The following LAMA2 variants were observed in gnomAD, a reference collection of about 807,000 sequenced individuals.
LAMA2 encodes laminin subunit alpha 2.
In LAMA2, 269 loss-of-function variants were observed where a neutral mutation model predicts 364.8. The ratio of observed to expected loss-of-function variants is 0.74; its 90% CI spans 0.67 to 0.82. The LOEUF is 0.82. LAMA2 is among the 40% of genes least tolerant of loss of function. The pLI is 0.00. For missense variants in LAMA2, 3,807 were observed against 3,873.2 expected, an observed-to-expected ratio of 0.98 and a Z score of 0.45; for synonymous variants, 1,379 against 1,370.6, an observed-to-expected ratio of 1.01 and a Z score of -0.14.
intron 40 of LAMA2, among the ~76,000 whole-genome samples, chr6:129,410,255 A>C (rs372792815): frequency 7.9e-5 from 12 of 151,634 alleles, no homozygotes; most frequent in African/African-American, 2.4e-4. Context: ...TCTCTAAGTC[A>C]GTGGAATAGT....
intron 41 of LAMA2, among the ~76,000 whole-genome samples, chr6:129,428,782 G>A (rs57299404): frequency 0.014 from 2,063 of 152,166 alleles, 55 homozygotes; most frequent in African/African-American, 0.047. Context: ...TCTGATTCAG[G>A]AATCAAAATG....
intron 12 of LAMA2, among the ~76,000 whole-genome samples, chr6:129,242,685 C>G (rs1272094756): frequency 6.6e-6 from 1 of 152,024 alleles, no homozygotes; most frequent in Non-Finnish European, 1.5e-5. Flanking sequence ...ATGTTTCATC[C>G]AAACATAAGT....
intron 29 of LAMA2, among the ~76,000 whole-genome samples, chr6:129,333,861 TA>T (rs1359192940): frequency 2.0e-5 from 3 of 152,216 alleles, no homozygotes; most frequent in Non-Finnish European, 4.4e-5. Flanking sequence ...TTACCGTCTT[TA>T]TACTGTCCTC....
At chr6:129,478,064 G>A (rs966909959) in intron 53 of LAMA2, among the ~76,000 whole-genome samples, 9 of 152,104 alleles carry the variant, frequency 5.9e-5, no homozygotes, top group African/African-American at 2.2e-4. Flanking sequence ...AAAATGCAGG[G>A]ATTACAGGAA....
At chr6:129,145,167 C>T (rs1354560996) in intron 5 of LAMA2, among the ~76,000 whole-genome samples, 1 of 151,934 alleles carries the variant, frequency 6.6e-6, no homozygotes, top group Non-Finnish European at 1.5e-5. Context: ...AAGGTAAGAC[C>T]ACCGTCATCG....
At chr6:129,239,405 T>C (rs1785240801) in intron 12 of LAMA2, among the ~76,000 whole-genome samples, 1 of 152,192 alleles carries the variant, frequency 6.6e-6, no homozygotes, top group African/African-American at 2.4e-5. Context: ...GCTCTAAAAT[T>C]GCAGAGCAGG....
Position 129,393,038 on chromosome 6 carries a change from G to T in LAMA2, c.5235-7G>T, listed in dbSNP as rs1299296801. ...ATTGTCTATTATTGGGCTGGGGGTG[G>T]TTACAGAGCTGCAGAAGCCCTTCTG... On this transcript the variant is annotated splice_polypyrimidine_tract_variant and splice_region_variant and intron_variant, in intron 36 of 64. Coordinates refer to ENST00000421865, the MANE Select transcript of LAMA2 (RefSeq NM_000426.4). 13 of 1,611,916 alleles carry T rather than the reference G, an allele frequency of 8.1e-6. No individual in the cohort carries two copies. Among genetic ancestry groups the T allele is most frequent in the Non-Finnish European group, 9.3e-6 (11 of 1,179,164 alleles).
rs917301584 is a variant in LAMA2 at position 129,470,054 on chromosome 6, T to C, written c.7301-3160T>C. 5.9e-5 allele frequency among the ~76,000 whole-genome samples: 9 copies of C among 151,980 alleles called. No homozygotes were observed. In the East Asian group the frequency reaches 1.7e-3, roughly 29 times the overall value. On this transcript the variant is annotated intron_variant, in intron 51 of 64. Coordinates refer to ENST00000421865, the MANE Select transcript of LAMA2 (RefSeq NM_000426.4). ...GGTTCTGCAGGTGTATACAATTACA[T>C]GTTACAAACATGGTTTAAATTATAG...
chr6:129,407,478 C>A (rs1780306256), intron 40 of LAMA2, among the ~76,000 whole-genome samples: 1 of 152,156 alleles, frequency 6.6e-6, no homozygotes, highest in Non-Finnish European at 1.5e-5. Flanking sequence ...AATTTTATGT[C>A]ACATGATAAA....
chr6:129,476,244 G>T (rs1053130588), intron 53 of LAMA2, among the ~76,000 whole-genome samples: 16 of 152,118 alleles, frequency 1.1e-4, no homozygotes, highest in Admixed American at 5.2e-4. Flanking sequence ...ACTGATCCAA[G>T]AAATTTTTAA....
chr6:129,513,283 G>A (rs1048737546), intron 63 of LAMA2, among the ~76,000 whole-genome samples: 8 of 152,032 alleles, frequency 5.3e-5, no homozygotes, highest in African/African-American at 1.7e-4. Context: ...CTCCAACAAA[G>A]GTAATATAGG....
At chr6:129,256,949 G>T (rs1222385257) in intron 14 of LAMA2, among the ~76,000 whole-genome samples, 1 of 151,230 alleles carries the variant, frequency 6.6e-6, no homozygotes, top group Non-Finnish European at 1.5e-5. Context: ...AATCTTTAAG[G>T]CAGCACCAAG....
intron 2 of LAMA2, among the ~76,000 whole-genome samples, chr6:129,053,329 TG>T (rs1480638350): frequency 3.3e-5 from 5 of 152,122 alleles, no homozygotes; most frequent in Non-Finnish European, 5.9e-5. Context: ...CCTCCCAAAG[TG>T]CTGGGATTAC....
intron 45 of LAMA2, among the ~76,000 whole-genome samples, chr6:129,447,942 G>A (rs780430775): frequency 1.3e-5 from 2 of 152,074 alleles, no homozygotes; most frequent in South Asian, 2.1e-4. Context: ...CTCACAAAAC[G>A]GTGAAATTCA....
intron 60 of LAMA2, 76 bp from the exon 61 acceptor site, chr6:129,505,124 G>C: frequency 7.8e-7 from 1 of 1,284,430 alleles, no homozygotes; most frequent in Non-Finnish European, 1.1e-6. Flanking sequence ...AACATCGTTA[G>C]AGTCCTTATG....
At chr6:129,111,695 T>C (rs1776167219) in intron 4 of LAMA2, among the ~76,000 whole-genome samples, 1 of 152,020 alleles carries the variant, frequency 6.6e-6, no homozygotes, top group Non-Finnish European at 1.5e-5. Context: ...ATCAGGCAAG[T>C]CCTTTCACTG....
chr6:129,494,373 T>C (rs1305631628), intron 58 of LAMA2, among the ~76,000 whole-genome samples: 1 of 152,248 alleles, frequency 6.6e-6, no homozygotes, highest in Non-Finnish European at 1.5e-5. Context: ...CCTTTCATCC[T>C]TTGTAAAATA....
In LAMA2 at chr6:129,393,089, A is replaced by G. The variant is rs758319806; in HGVS notation, c.5279A>G (p.Glu1760Gly). ...LLKKVKKLFG[E>G]SRGENEEMEK... Reference sequence around the variant, plus strand: ...AAAAAAGTGAAGAAGCTGTTTGGAGAGTCCCGGGGGGAAAATGAAGAAATG... The same window carrying G: ...AAAAAAGTGAAGAAGCTGTTTGGAGGGTCCCGGGGGGAAAATGAAGAAATG... The change falls in exon 37 of 65, where the codon GAG (glutamate) becomes GGG (glycine). Residue 1760 changes from glutamate to glycine, a missense_variant. Around this residue, in one of 3 missense-constraint regions of LAMA2, gnomAD observed 3,333 missense variants for 3,345.7 expected, o/e 1.00. Coordinates refer to ENST00000421865, the MANE Select transcript of LAMA2 (RefSeq NM_000426.4). The G allele has an allele frequency of 5.0e-6, 8 of 1,613,892 alleles. No homozygotes were observed. The highest frequency in any genetic ancestry group is 8.5e-7 in the Non-Finnish European group (1 of 1,179,952).
intron 1 of LAMA2, among the ~76,000 whole-genome samples, chr6:128,980,345 G>A (rs373001190): frequency 5.3e-5 from 8 of 152,140 alleles, no homozygotes; most frequent in African/African-American, 1.2e-4. Flanking sequence ...ACAAATACGC[G>A]TAGTCTGCTG....
Sources: gnomAD v4.1 joint callset for allele counts (sites outside exome capture counted in the v4.1 genomes callset) on GRCh38, gnomAD v4.1.1 for gene constraint, gnomAD v4.1.1 regional missense constraint, MANE v1.5 for transcripts, NCBI Gene and HGNC (gene_info 2026-07-23, HGNC 2026-07-21) for gene names.